The following BZW2 variants were observed in gnomAD, a reference collection of about 807,000 sequenced individuals.
BZW2 encodes the protein eIF5-mimic protein 1.
Under a neutral mutation model 53.2 loss-of-function variants are expected in BZW2, and 23 were observed. That is an observed-to-expected ratio of 0.43 (90% CI 0.31 to 0.61). The LOEUF (loss-of-function observed/expected upper bound fraction) is 0.61, where lower values mean the gene tolerates loss of function less well. BZW2 is among the 20% of genes least tolerant of loss of function. The pLI, the probability that BZW2 is intolerant of heterozygous loss-of-function variation, is 0.09. For synonymous variants in BZW2, 227 were observed against 186.4 expected (o/e 1.22, Z -1.77); for missense variants, 409 against 503.1 (o/e 0.81, Z 1.79).
chr7:16,658,823 C>G (rs1297167965), intron 1 of BZW2, among the ~76,000 whole-genome samples: 2 of 150,964 alleles, frequency 1.3e-5, no homozygotes, highest in Admixed American at 6.6e-5. Flanking sequence ...TGTAGTGAGC[C>G]AAGATCGCAC....
At chr7:16,654,083 C>CAAAAAAAAAAAAAAAAAAAAAAAAAAA (rs61590306) in intron 1 of BZW2, among the ~76,000 whole-genome samples, 1 of 82,534 alleles carries the variant, frequency 1.2e-5, no homozygotes, top group Non-Finnish European at 2.2e-5. Context: ...CCCATCTCTA[C>CAAAAAAAAAAAAAAAAAAAAAAAAAAA]AAAAAAAAAA....
At chr7:16,654,328 G>C (rs1782066586) in intron 1 of BZW2, among the ~76,000 whole-genome samples, 1 of 151,794 alleles carries the variant, frequency 6.6e-6, no homozygotes, top group Non-Finnish European at 1.5e-5. Flanking sequence ...TTCTCTATAA[G>C]AGTTTCTGCT....
intron 10 of BZW2, among the ~76,000 whole-genome samples, chr7:16,699,328 C>G (rs1338650175): frequency 6.6e-6 from 1 of 152,130 alleles, no homozygotes; most frequent in Non-Finnish European, 1.5e-5. Flanking sequence ...CCCAATGATA[C>G]CCAAAGTGAT....
At chr7:16,688,323 C>T (rs1229336672) in intron 6 of BZW2, among the ~76,000 whole-genome samples, 1 of 152,286 alleles carries the variant, frequency 6.6e-6, no homozygotes, top group East Asian at 1.9e-4. Context: ...TATAAGATGC[C>T]TGCTGACACA....
rs999217090 is a variant in BZW2, at chr7:16,646,282, C to T, written c.-14C>T. On this transcript the variant is annotated 5_prime_UTR_variant, in exon 1 of 12. Transcript: ENST00000258761. ...GCCTTGCGCGTCGTCGCTACCTCCT[C>T]GGACAGGTGAGAAGCAGCCCAGGTG... 7.7e-6 allele frequency: 2 copies of T among 260,832 alleles called. No homozygotes were observed. The highest frequency in any genetic ancestry group is 4.4e-5 in the Admixed American group (1 of 22,506). The allele number at this position is 260,832 out of a possible 1,614,324, so 16.2% of individuals were successfully genotyped here.
chr7:16,648,305 T>G (rs1386079555), intron 1 of BZW2, among the ~76,000 whole-genome samples: 3 of 152,240 alleles, frequency 2.0e-5, no homozygotes, highest in African/African-American at 7.2e-5. Flanking sequence ...ATGCTTTGCA[T>G]AGAATTATTC....
intron 1 of BZW2, among the ~76,000 whole-genome samples, chr7:16,657,663 T>C (rs934386039): frequency 6.6e-6 from 1 of 152,188 alleles, no homozygotes; most frequent in African/African-American, 2.4e-5. Flanking sequence ...GTTTGAGATA[T>C]GACTATCTAG....
At chr7:16,659,230 G>A (rs777616288) in intron 1 of BZW2, among the ~76,000 whole-genome samples, 66 of 152,014 alleles carry the variant, frequency 4.3e-4, no homozygotes, top group Admixed American at 8.5e-4. Flanking sequence ...CAAATAACTC[G>A]TGTCATGTTT....
chr7:16,647,554 A>C (rs986732905), intron 1 of BZW2, among the ~76,000 whole-genome samples: 1 of 152,218 alleles, frequency 6.6e-6, no homozygotes, highest in African/African-American at 2.4e-5. Flanking sequence ...ACTGGGACAG[A>C]TCTGAGCCAG....
rs28437548 is a variant in BZW2 at position 16,704,413 on chromosome 7, G to C, written c.1109-134G>C. The C allele has an allele frequency of 1.3e-3, 1,205 of 940,432 alleles. 15 individuals carry two copies. In the African/African-American group the frequency reaches 0.018, roughly 14 times the overall value. The allele number at this position is 940,432 out of a possible 1,614,324, so 58.3% of individuals were successfully genotyped here. A position where few individuals can be genotyped will look rare whatever the true frequency, so the allele number is the denominator to read the frequency against. ...ACTATGCTACATGAAAATCAACTTGGTTCCTCTCTTCTGATAAGTAACAGA... is the reference window on the plus strand; with the variant it reads ...ACTATGCTACATGAAAATCAACTTGCTTCCTCTCTTCTGATAAGTAACAGA... On this transcript the variant is annotated intron_variant, in intron 10 of 11. Transcript: ENST00000258761.
At chr7:16,678,011 C>A (rs1042795614) in intron 3 of BZW2, among the ~76,000 whole-genome samples, 1 of 149,538 alleles carries the variant, frequency 6.7e-6, no homozygotes, top group Admixed American at 6.7e-5. Context: ...TAGGTGCATT[C>A]TTCTTACATA....
intron 1 of BZW2, among the ~76,000 whole-genome samples, chr7:16,654,814 C>T (rs1341505579): frequency 6.6e-6 from 1 of 152,056 alleles, no homozygotes; most frequent in East Asian, 1.9e-4. Flanking sequence ...GCTGGGATTA[C>T]AGGCATAAGC....
At chr7:16,674,616 G>T in intron 3 of BZW2, 28 bp downstream of exon 3, 2 of 1,488,618 alleles carry the variant, frequency 1.3e-6, no homozygotes, top group South Asian at 1.5e-5. Flanking sequence ...GCTTCTTGTA[G>T]TATATTTATA....
intron 1 of BZW2, among the ~76,000 whole-genome samples, chr7:16,659,192 A>G (rs969824132): frequency 6.6e-6 from 1 of 152,244 alleles, no homozygotes; most frequent in Middle Eastern, 3.4e-3. Flanking sequence ...TGTGCCAACT[A>G]TCTACCTTAT....
In BZW2 at chr7:16,695,015, A is replaced by G; in HGVS notation, c.822+11A>G. 6.4e-7 allele frequency: 1 copy of G among 1,561,286 alleles called. No homozygotes were observed. Among genetic ancestry groups the G allele is most frequent in the Non-Finnish European group, 8.8e-7 (1 of 1,141,468 alleles). On this transcript the variant is annotated intron_variant, in intron 8 of 11. Coordinates refer to ENST00000258761, the MANE Select transcript of BZW2 (RefSeq NM_014038.3). The stretch of plus-strand genomic sequence containing the variant: ...TGCCCGATCAAGGAGGTGGGAGACC[A>G]CGGGCAGACATCACCTCAATACACA...
chr7:16,687,304 T>G (rs939251603), intron 6 of BZW2: 5 of 152,148 alleles, frequency 3.3e-5, no homozygotes, highest in African/African-American at 1.2e-4. Flanking sequence ...TGGGGGGTGG[T>G]GAGGAGAAAA....
chr7:16,657,147 G>A (rs1374781812), intron 1 of BZW2, among the ~76,000 whole-genome samples: 1 of 152,142 alleles, frequency 6.6e-6, no homozygotes, highest in Non-Finnish European at 1.5e-5. Flanking sequence ...TTCAAAAGAG[G>A]TTAAAACGTT....
At chr7:16,669,813 C>T (rs1039082568) in intron 2 of BZW2, among the ~76,000 whole-genome samples, 1 of 152,164 alleles carries the variant, frequency 6.6e-6, no homozygotes, top group African/African-American at 2.4e-5. Flanking sequence ...TATGATTCAC[C>T]AGCACAGTTT....
chr7:16,654,355 A>C (rs1782067092), intron 1 of BZW2, among the ~76,000 whole-genome samples: 2 of 152,112 alleles, frequency 1.3e-5, no homozygotes, highest in Non-Finnish European at 2.9e-5. Flanking sequence ...AAAGTGATGC[A>C]ATGGAACAGA....
Sources: gnomAD v4.1 joint callset for allele counts (sites outside exome capture counted in the v4.1 genomes callset) on GRCh38, gnomAD v4.1.1 for gene constraint, MANE v1.5 for transcripts, NCBI Gene and HGNC (gene_info 2026-07-23, HGNC 2026-07-21) for gene names.